Variants in PLEKHA1 observed in about 807,000 individuals in gnomAD.
PLEKHA1 encodes the protein pleckstrin homology domain-containing family A member 1.
PLEKHA1 carries 34 observed loss-of-function variants against 52.0 expected under a neutral mutation model. The observed-to-expected ratio is 0.65, with a 90% CI of 0.50 to 0.87. PLEKHA1 has a LOEUF of 0.87. Among genes scored for constraint, PLEKHA1 ranks in the 40% least tolerant of loss-of-function variants. PLEKHA1 has a pLI of 0.00. For synonymous variants in PLEKHA1, 163 were observed against 170.7 expected (o/e 0.95, Z 0.35); for missense variants, 497 against 504.2 (o/e 0.99, Z 0.14).
intron 5 of PLEKHA1, among the ~76,000 whole-genome samples, chr10:122,408,364 G>A (rs932755209): frequency 2.0e-5 from 3 of 152,120 alleles, no homozygotes; most frequent in African/African-American, 7.2e-5. Flanking sequence ...AAGCTTTTCA[G>A]CATGAAGGAA....
intron 4 of PLEKHA1, among the ~76,000 whole-genome samples, chr10:122,406,056 G>A (rs2097009177): frequency 6.6e-6 from 1 of 152,130 alleles, no homozygotes; most frequent in African/African-American, 2.4e-5. Flanking sequence ...AGAAACTAGA[G>A]GTATCCACAG....
the PLEKHA1 span, chr10:122,437,504 C>T: frequency 3.3e-5 from 5 of 152,152 alleles, no homozygotes; most frequent in Non-Finnish European, 5.9e-5. Context: ...TGGGAGTCTT[C>T]AAAGTATTCG....
chr10:122,405,849 A>T (rs1404748614), intron 4 of PLEKHA1, among the ~76,000 whole-genome samples: 1 of 152,110 alleles, frequency 6.6e-6, no homozygotes, highest in Non-Finnish European at 1.5e-5. Context: ...GGCTCCTAAC[A>T]GTAGCTAGTT....
chr10:122,417,856 A>T, intron 7 of PLEKHA1, 44 bp from the exon 8 acceptor site: 1 of 1,479,126 alleles, frequency 6.8e-7, no homozygotes, highest in Non-Finnish European at 9.4e-7. Flanking sequence ...AACATTTGAC[A>T]TTCTTAGAAA....
At chr10:122,383,495 T>A (rs932491033) in intron 1 of PLEKHA1, among the ~76,000 whole-genome samples, 2 of 151,282 alleles carry the variant, frequency 1.3e-5, no homozygotes, top group Non-Finnish European at 3.0e-5. Context: ...AATTTTTTTT[T>A]TTTTTTTTGG....
At chr10:122,382,996 T>C (rs1026623832) in intron 1 of PLEKHA1, among the ~76,000 whole-genome samples, 1 of 152,210 alleles carries the variant, frequency 6.6e-6, no homozygotes, top group African/African-American at 2.4e-5. Context: ...TTGCCAGCAA[T>C]GTAAGAGTTT....
chr10:122,396,611 A>G (rs1165424172), intron 2 of PLEKHA1, among the ~76,000 whole-genome samples: 1 of 152,114 alleles, frequency 6.6e-6, no homozygotes, highest in African/African-American at 2.4e-5. Flanking sequence ...TGAAATGTCT[A>G]GGCTTCCAGT....
chr10:122,402,441 A>G (rs747006922), intron 4 of PLEKHA1, among the ~76,000 whole-genome samples: 5 of 152,222 alleles, frequency 3.3e-5, no homozygotes, highest in Non-Finnish European at 7.3e-5. Context: ...CGTGCAAGCC[A>G]TTTTTGATGG....
intron 1 of PLEKHA1, among the ~76,000 whole-genome samples, chr10:122,384,006 C>T (rs894798734): frequency 1.3e-5 from 2 of 151,948 alleles, no homozygotes; most frequent in African/African-American, 4.8e-5. Context: ...GGTAGTCTCT[C>T]GTGTTGTTCT....
rs763082881 is a variant in PLEKHA1, at chr10:122,400,348, C to T, written c.204C>T (p.Ser68=). The T allele has an allele frequency of 2.1e-5, 33 of 1,602,880 alleles. No individual in the cohort carries two copies. The highest frequency in any genetic ancestry group is 1.7e-4 in the Middle Eastern group (1 of 6,054). Residue 68 remains serine (S), a synonymous_variant, in exon 4 of 12, where the codon AGC becomes AGT. Coordinates refer to ENST00000368990, the MANE Select transcript of PLEKHA1 (RefSeq NM_001001974.4). ...AIKLTYISKV[S]DATKLRPKAE... ...GTCTCTATTTTTCTTTTTAGGTTAGCGATGCTACTAAGCTAAGGCCAAAGG... is the reference window on the plus strand; with the variant it reads ...GTCTCTATTTTTCTTTTTAGGTTAGTGATGCTACTAAGCTAAGGCCAAAGG...
chr10:122,380,572 G>A (rs1035437892), intron 1 of PLEKHA1, among the ~76,000 whole-genome samples: 13 of 152,168 alleles, frequency 8.5e-5, no homozygotes, highest in Non-Finnish European at 1.8e-4. Flanking sequence ...AAATGAATGA[G>A]TAAGGTGGGT....
intron 1 of PLEKHA1, among the ~76,000 whole-genome samples, chr10:122,378,752 A>C (rs2133547440): frequency 6.6e-6 from 1 of 151,982 alleles, no homozygotes; most frequent in African/African-American, 2.4e-5. Flanking sequence ...AAAAAAAAAA[A>C]AAACAGAAAA....
At chr10:122,428,560 G>C in intron 11 of PLEKHA1, 1 of 787,364 alleles carries the variant, frequency 1.3e-6, no homozygotes, top group Non-Finnish European at 1.7e-6. Flanking sequence ...CTAACAGAAA[G>C]AGACATTAAC....
In PLEKHA1 at chr10:122,406,640, G is replaced by A. The variant is rs1191866611; in HGVS notation, c.309G>A (p.Trp103Ter). 1 of 1,612,556 alleles carries A rather than the reference G, an allele frequency of 6.2e-7. No individual in the cohort carries two copies. The highest frequency in any genetic ancestry group is 1.1e-5 in the South Asian group (1 of 91,038). Residue 103 changes from tryptophan (W) to a stop codon, truncating the protein, a stop_gained, in exon 5 of 12, where the codon TGG becomes TGA. Transcript: ENST00000368990. LOFTEE classifies it high-confidence loss of function. ...ATGATCAGCAGGACCTAGTGGAATG[G>A]GTAAATGTGTTAAACAAAGCTATAA... is the stretch of plus-strand genomic sequence containing the variant. ...QANDQQDLVE[W>*]VNVLNKAIKI...
At chr10:122,413,809 G>C (rs2097138644) in intron 6 of PLEKHA1, among the ~76,000 whole-genome samples, 2 of 152,080 alleles carry the variant, frequency 1.3e-5, no homozygotes, top group Admixed American at 6.6e-5. Flanking sequence ...GAATTTTAAA[G>C]TAATCAATTG....
intron 1 of PLEKHA1, among the ~76,000 whole-genome samples, chr10:122,383,141 C>T (rs1240886402): frequency 1.3e-5 from 2 of 152,048 alleles, no homozygotes. Context: ...TGTGAACATC[C>T]ACAAAAATAG....
intron 7 of PLEKHA1, 52 bp from the exon 8 acceptor site, chr10:122,417,848 C>T: frequency 3.5e-6 from 5 of 1,412,210 alleles, no homozygotes; most frequent in Non-Finnish European, 5.0e-6. Flanking sequence ...TGGTGACTAA[C>T]ATTTGACATT....
At chr10:122,415,833 AATTT>A (rs747326553) in intron 6 of PLEKHA1, 22 bp from the exon 7 acceptor site, 248 of 1,579,478 alleles carry the variant, frequency 1.6e-4, no homozygotes, top group Non-Finnish European at 1.9e-4. Flanking sequence ...GCAAGAAAAT[AATTT>A]ATTTATTTTG....
intron 7 of PLEKHA1, among the ~76,000 whole-genome samples, chr10:122,416,546 A>T (rs1421573566): frequency 6.6e-6 from 1 of 152,188 alleles, no homozygotes; most frequent in East Asian, 1.9e-4. Flanking sequence ...AGATGTAAAT[A>T]AGAAAGGTGT....
Sources: gnomAD v4.1 joint callset for allele counts (sites outside exome capture counted in the v4.1 genomes callset) on GRCh38, gnomAD v4.1.1 for gene constraint, MANE v1.5 for transcripts, NCBI Gene and HGNC (gene_info 2026-07-23, HGNC 2026-07-21) for gene names.